GSE1: variants seen among roughly 807,000 people sequenced by gnomAD.
GSE1 encodes genetic suppressor element 1.
GSE1 carries 32 observed loss-of-function variants against 112.6 expected under a neutral mutation model. The ratio of observed to expected loss-of-function variants is 0.28; its 90% CI spans 0.21 to 0.38. The LOEUF is 0.38. GSE1 is among the 10% of genes least tolerant of loss of function. GSE1 has a pLI of 1.00. For missense variants in GSE1, 2,348 were observed against 1,699.2 expected (o/e 1.38, Z -6.71); for synonymous variants, 1,115 against 735.6 (o/e 1.52, Z -8.35).
At chr16:85,176,906 C>T (rs1271114107) in intron 1 of GSE1, among the ~76,000 whole-genome samples, 2 of 152,270 alleles carry the variant, frequency 1.3e-5, no homozygotes, top group African/African-American at 4.8e-5. Flanking sequence ...CTGGCTGCCC[C>T]TCCTCCCCAG....
chr16:85,559,880 G>C (rs1245060282), intron 1 of GSE1, among the ~76,000 whole-genome samples: 1 of 152,148 alleles, frequency 6.6e-6, no homozygotes, highest in Non-Finnish European at 1.5e-5. Flanking sequence ...TGAGTTGTGA[G>C]CAGAGACCAT....
rs760908140 is a variant in GSE1, at chr16:85,665,956, C to T, written c.2759-20C>T. On this transcript the variant is annotated intron_variant, in intron 12 of 15. Coordinates refer to ENST00000253458, the MANE Select transcript of GSE1 (RefSeq NM_014615.5). ...TTAACTTGCATTTCTTAATATTTTC[C>T]TTCACTTTGTCTCTAAAAGAACCAG... is the stretch of plus-strand genomic sequence containing the variant. 3 of 1,611,778 alleles carry T rather than the reference C, an allele frequency of 1.9e-6. No individual in the cohort carries two copies. Among genetic ancestry groups the T allele is most frequent in the Admixed American group, 1.7e-5 (1 of 60,010 alleles).
intron 1 of GSE1, among the ~76,000 whole-genome samples, chr16:85,338,476 A>C (rs368645364): frequency 6.6e-6 from 1 of 152,106 alleles, no homozygotes; most frequent in Non-Finnish European, 1.5e-5. Context: ...CCCTCCATCA[A>C]ATGGGCGTAT....
chr16:85,664,787 C>G, intron 11 of GSE1: 1 of 494,992 alleles, frequency 2.0e-6, no homozygotes, highest in Non-Finnish European at 3.6e-6. Context: ...GCACGGACAG[C>G]TGTCTTTGGA....
At position 85,384,249 on chromosome 16, in the gene GSE1, GA is replaced by G. The variant is rs1464382024; in HGVS notation, c.2464+26609del. ...CCGAGACCCTCTCCGAGAGGAGCAAGAAACACACGTGCCTTGCTCTGTGTGG... is the reference window on the plus strand; with the variant it reads ...CCGAGACCCTCTCCGAGAGGAGCAAGAACACACGTGCCTTGCTCTGTGTGG... On this transcript the variant is annotated intron_variant, in intron 2 of 2. Transcript: ENST00000637419. Among the ~76,000 whole-genome samples the G allele has an allele frequency of 2.0e-5, 3 of 152,184 alleles. No individual in the cohort carries two copies. The East Asian group carries it at 5.8e-4, about 29-fold the overall frequency.
chr16:85,360,226 C>T (rs1029959019), intron 2 of GSE1, among the ~76,000 whole-genome samples: 2 of 152,006 alleles, frequency 1.3e-5, no homozygotes, highest in Admixed American at 6.5e-5. Context: ...CTGCAACTCA[C>T]TGCGTACTAG....
chr16:85,170,672 A>G lies in GSE1; in HGVS notation c.1148A>G (p.Gln383Arg), dbSNP rs1358981013. Residue 383 changes from glutamine (Q) to arginine (R), a missense_variant, in exon 1 of 3, where the codon CAG (glutamine) becomes CGG (arginine). By Grantham distance (43) the Gln-to-Arg change is conservative (BLOSUM62 1). Coordinates refer to the GSE1 transcript ENST00000637419. The stretch of plus-strand genomic sequence containing the variant: ...CCGCTGTCCCCGGCCTCGCACCACC[A>G]GGTCCACGTGCAGAAGCAGGAGAAG... The G allele has an allele frequency of 6.1e-6, 6 of 985,574 alleles. No individual in the cohort carries two copies. The African/African-American group carries it at 1.0e-4, about 17-fold the overall frequency. 61.1% of individuals were successfully genotyped at this position (985,574 alleles called of 1,614,324 possible).
At chr16:85,596,311 A>G (rs1294454125) in intron 1 of GSE1, among the ~76,000 whole-genome samples, 1 of 152,130 alleles carries the variant, frequency 6.6e-6, no homozygotes, top group Non-Finnish European at 1.5e-5. Context: ...AAGCCTCAAG[A>G]TAGTTCCCCG....
intron 2 of GSE1, among the ~76,000 whole-genome samples, chr16:85,378,439 C>G (rs1191897800): frequency 6.6e-6 from 1 of 152,132 alleles, no homozygotes; most frequent in East Asian, 1.9e-4. Context: ...AGGCAGGAAG[C>G]CTTTCACTTA....
intron 3 of GSE1, among the ~76,000 whole-genome samples, chr16:85,652,101 C>G (rs563823576): frequency 1.3e-5 from 2 of 152,366 alleles, no homozygotes; most frequent in South Asian, 4.1e-4. Flanking sequence ...GGGCCCCCAC[C>G]CTGCTGGTGC....
intron 1 of GSE1, among the ~76,000 whole-genome samples, chr16:85,183,904 A>G (rs765861247): frequency 2.6e-5 from 4 of 152,184 alleles, no homozygotes; most frequent in Non-Finnish European, 5.9e-5. Context: ...CTTTCTTCAC[A>G]GAGATGTCAT....
intron 1 of GSE1, among the ~76,000 whole-genome samples, chr16:85,307,150 T>TGGGGG: frequency 1.6e-5 from 2 of 127,056 alleles, no homozygotes; most frequent in African/African-American, 6.2e-5. Context: ...GGGGGTGGGG[T>TGGGGG]GGGGTGGGGT....
intron 1 of GSE1, among the ~76,000 whole-genome samples, chr16:85,189,015 G>A (rs1338026890): frequency 2.0e-5 from 3 of 152,144 alleles, no homozygotes; most frequent in African/African-American, 7.2e-5. Flanking sequence ...AACAACCATT[G>A]TTATAGACAC....
At chr16:85,479,426 C>A (rs376568313) in intron 2 of GSE1, among the ~76,000 whole-genome samples, 3 of 151,908 alleles carry the variant, frequency 2.0e-5, no homozygotes, top group Non-Finnish European at 4.4e-5. Flanking sequence ...GTCTCAGCCT[C>A]CCAAAGTGCC....
intron 2 of GSE1, among the ~76,000 whole-genome samples, chr16:85,641,775 A>G (rs1484006927): frequency 6.6e-6 from 1 of 152,208 alleles, no homozygotes; most frequent in African/African-American, 2.4e-5. Context: ...TTTCAAGGAA[A>G]GTGGCTGGGG....
chr16:85,395,632 C>T (rs2047947361), intron 2 of GSE1, among the ~76,000 whole-genome samples: 1 of 152,236 alleles, frequency 6.6e-6, no homozygotes, highest in Non-Finnish European at 1.5e-5. Context: ...CTCCCTTTCT[C>T]TCCAGGCCTC....
chr16:85,270,278 T>C (rs960600541), intron 1 of GSE1, among the ~76,000 whole-genome samples: 1 of 148,908 alleles, frequency 6.7e-6, no homozygotes, highest in Non-Finnish European at 1.5e-5. Context: ...TCCCAGCACA[T>C]GCCTCTCTGT....
chr16:85,433,188 A>G (rs1420419535), intron 2 of GSE1, among the ~76,000 whole-genome samples: 1 of 151,990 alleles, frequency 6.6e-6, no homozygotes, highest in Non-Finnish European at 1.5e-5. Context: ...CTTGGGTTCA[A>G]CACTGGCCCC....
At chr16:85,496,121 G>A (rs560575412) in intron 2 of GSE1, among the ~76,000 whole-genome samples, 2 of 152,258 alleles carry the variant, frequency 1.3e-5, no homozygotes, top group East Asian at 1.9e-4. Context: ...CAGGGTCTCC[G>A]GCTTCATTTC....
Sources: gnomAD v4.1 joint callset for allele counts (sites outside exome capture counted in the v4.1 genomes callset) on GRCh38, gnomAD v4.1.1 for gene constraint, MANE v1.5 for transcripts, NCBI Gene and HGNC (gene_info 2026-07-23, HGNC 2026-07-21) for gene names.